Variants in PDE1A observed in about 807,000 individuals in gnomAD.
PDE1A encodes the protein phosphodiesterase 1A, also known as dual specificity calcium/calmodulin-dependent 3',5'-cyclic nucleotide phosphodiesterase 1A.
In PDE1A, 35 loss-of-function variants were observed where a neutral mutation model predicts 61.7. The ratio of observed to expected loss-of-function variants is 0.57; its 90% confidence interval spans 0.43 to 0.75. The LOEUF is 0.75. Among genes scored for constraint, PDE1A ranks in the 30% least tolerant of loss-of-function variants. The pLI, the probability that PDE1A is intolerant of heterozygous loss-of-function variation, is 0.00. For missense variants in PDE1A, 597 were observed against 630.6 expected (o/e 0.95, Z 0.57); for synonymous variants, 232 against 213.2 (o/e 1.09, Z -0.77).
At chr2:182,622,593 A>G in the PDE1A span, among the ~76,000 whole-genome samples, 5 of 152,330 alleles carry the variant, frequency 3.3e-5, no homozygotes, top group Admixed American at 6.5e-5. Flanking sequence ...CTACACAGAA[A>G]TGATAGGAAT....
At chr2:182,212,835 A>G (rs532966279) in intron 7 of PDE1A, among the ~76,000 whole-genome samples, 9 of 152,362 alleles carry the variant, frequency 5.9e-5, no homozygotes, top group South Asian at 2.1e-4. Flanking sequence ...CAGGGAGGCC[A>G]GGGGAGGGGC....
chr2:182,611,044 TATCCAGGTAAATTCTTTAGATG>T, the PDE1A span, among the ~76,000 whole-genome samples: 1 of 152,220 alleles, frequency 6.6e-6, no homozygotes, highest in African/African-American at 2.4e-5. Context: ...TTTGAAAGGA[TATCCAGGTAAATTCTTTAGATG>T]AAAAGCAGAA....
intron 13 of PDE1A, among the ~76,000 whole-genome samples, chr2:182,170,015 C>A (rs1273419155): frequency 2.0e-5 from 3 of 151,258 alleles, no homozygotes; most frequent in Non-Finnish European, 4.4e-5. Context: ...CTTAAAATAT[C>A]CTTAAGTTAT....
the PDE1A span, among the ~76,000 whole-genome samples, chr2:182,578,819 G>A: frequency 8.6e-5 from 13 of 151,636 alleles, no homozygotes; most frequent in Non-Finnish European, 1.8e-4. Flanking sequence ...GTTACTTTAG[G>A]CCTGAAGGAA....
At chr2:182,140,163 A>C (rs1690169011) in exon 15 of PDE1A, 1 of 152,208 alleles carries the variant, frequency 6.6e-6, no homozygotes, top group African/African-American at 2.4e-5. Context: ...TTTATTTGCA[A>C]CTGGTTACTT....
chr2:182,666,520 A>C, the PDE1A span, among the ~76,000 whole-genome samples: 1 of 152,030 alleles, frequency 6.6e-6, no homozygotes, highest in African/African-American at 2.4e-5. Context: ...ATGCAGGAGA[A>C]TCGCTTGAAC....
At chr2:182,630,772 G>A in the PDE1A span, among the ~76,000 whole-genome samples, 1 of 151,870 alleles carries the variant, frequency 6.6e-6, no homozygotes, top group Non-Finnish European at 1.5e-5. Flanking sequence ...TTCCACACAG[G>A]GATGAATCCA....
upstream of PDE1A, among the ~76,000 whole-genome samples, chr2:182,525,213 C>A (rs1411528889): frequency 6.6e-6 from 1 of 151,918 alleles, no homozygotes; most frequent in Non-Finnish European, 1.5e-5. Context: ...ATTATTAGTT[C>A]TTATTATTAT....
At chr2:182,587,899 G>A in the PDE1A span, among the ~76,000 whole-genome samples, 3 of 152,188 alleles carry the variant, frequency 2.0e-5, no homozygotes, top group African/African-American at 7.2e-5. Flanking sequence ...AAGACATTTA[G>A]CATGAGAGAG....
At chr2:182,572,623 G>T in the PDE1A span, among the ~76,000 whole-genome samples, 1 of 151,930 alleles carries the variant, frequency 6.6e-6, no homozygotes, top group African/African-American at 2.4e-5. Flanking sequence ...TGGCTCACGC[G>T]AGTAATTCCA....
chr2:182,597,899 G>A, the PDE1A span, among the ~76,000 whole-genome samples: 4 of 152,292 alleles, frequency 2.6e-5, no homozygotes, highest in East Asian at 3.9e-4. Flanking sequence ...AGGCACTGAG[G>A]CGTTAAGAAA....
chr2:182,218,153 G>GTAAAC (rs1688377347), intron 7 of PDE1A, among the ~76,000 whole-genome samples: 2 of 150,462 alleles, frequency 1.3e-5, no homozygotes, highest in Admixed American at 1.3e-4. Flanking sequence ...ATCATTCTCA[G>GTAAAC]TAAACTATCC....
the PDE1A span, among the ~76,000 whole-genome samples, chr2:182,631,370 A>G: frequency 6.6e-6 from 1 of 152,294 alleles, no homozygotes; most frequent in East Asian, 1.9e-4. Flanking sequence ...CAGGTTAGTT[A>G]CATATGTATA....
intron 2 of PDE1A, among the ~76,000 whole-genome samples, chr2:182,441,991 G>A (rs1684828115): frequency 6.6e-6 from 1 of 152,052 alleles, no homozygotes. Flanking sequence ...GAATGATAGA[G>A]CTAGAAAATC....
chr2:182,482,343 T>C lies in PDE1A; in HGVS notation c.101+39933A>G, dbSNP rs375787504. ...TTCCAAAAACCTTTAACTTAATTTTTAAAGTCTAGTTAAAGTATAAGAAAA... is the reference window on the plus strand; with the variant it reads ...TTCCAAAAACCTTTAACTTAATTTTCAAAGTCTAGTTAAAGTATAAGAAAA... On this transcript the variant is annotated intron_variant, in intron 2 of 14. Coordinates refer to the PDE1A transcript ENST00000410103. 7.9e-5 allele frequency among the ~76,000 whole-genome samples: 12 copies of C among 152,034 alleles called. No homozygotes were observed. In the South Asian group the frequency reaches 2.5e-3, roughly 32 times the overall value.
chr2:182,491,789 C>CT (rs1688412463), intron 2 of PDE1A, among the ~76,000 whole-genome samples: 3 of 152,094 alleles, frequency 2.0e-5, no homozygotes, highest in Non-Finnish European at 4.4e-5. Flanking sequence ...TATCATTCTC[C>CT]TTATTGCTAC....
chr2:182,703,948 C>T, the PDE1A span, among the ~76,000 whole-genome samples: 5 of 152,070 alleles, frequency 3.3e-5, no homozygotes, highest in Admixed American at 1.3e-4. Flanking sequence ...CACCTGTAAT[C>T]CCAGCACTTT....
At chr2:182,568,667 AAAAT>A in the PDE1A span, among the ~76,000 whole-genome samples, 4 of 152,174 alleles carry the variant, frequency 2.6e-5, no homozygotes, top group African/African-American at 7.2e-5. Context: ...GCCGTCTCAA[AAAAT>A]AAATAAATAA....
At chr2:182,690,202 C>T in the PDE1A span, among the ~76,000 whole-genome samples, 2 of 152,156 alleles carry the variant, frequency 1.3e-5, no homozygotes. Flanking sequence ...CATCCTGATA[C>T]CAAAGCCTGG....
Sources: allele counts gnomAD v4.1 joint callset (sites outside exome capture counted in the v4.1 genomes callset), GRCh38; gene constraint gnomAD v4.1.1; transcripts MANE v1.5; gene names NCBI Gene and HGNC (gene_info 2026-07-23, HGNC 2026-07-21).